AFAP1L2: variants seen among roughly 807,000 people sequenced by gnomAD.
The protein encoded by AFAP1L2 is actin filament-associated protein 1-like 2.
AFAP1L2 carries 46 observed loss-of-function variants against 99.3 expected under a neutral mutation model. That is an observed-to-expected ratio of 0.46 (90% CI 0.37 to 0.59). The LOEUF (loss-of-function observed/expected upper bound fraction) is 0.59, where lower values mean the gene tolerates loss of function less well. Among genes scored for constraint, AFAP1L2 ranks in the 20% least tolerant of loss-of-function variants. The pLI is 0.00. For missense variants in AFAP1L2, 959 were observed against 1,034.9 expected, an observed-to-expected ratio of 0.93 and a Z score of 1.01; for synonymous variants, 397 against 419.1, an observed-to-expected ratio of 0.95 and a Z score of 0.64.
intron 1 of AFAP1L2, among the ~76,000 whole-genome samples, chr10:114,384,854 GC>G (rs1267798580): frequency 6.6e-6 from 1 of 152,208 alleles, no homozygotes; most frequent in African/African-American, 2.4e-5. Context: ...AAGGCTCCAG[GC>G]CTGGTTGAGA....
intron 11 of AFAP1L2, among the ~76,000 whole-genome samples, chr10:114,303,513 G>T (rs1165664937): frequency 6.6e-6 from 1 of 152,100 alleles, no homozygotes; most frequent in East Asian, 1.9e-4. Flanking sequence ...CACCATGTTG[G>T]CCAGGCTGGT....
intron 1 of AFAP1L2, among the ~76,000 whole-genome samples, chr10:114,359,128 T>C (rs570247133): frequency 2.0e-5 from 3 of 152,140 alleles, no homozygotes; most frequent in Non-Finnish European, 2.9e-5. Context: ...CAAGAGGTAA[T>C]GTAAGAACTG....
chr10:114,389,631 A>T (rs1352447666), intron 1 of AFAP1L2, among the ~76,000 whole-genome samples: 1 of 152,206 alleles, frequency 6.6e-6, no homozygotes, highest in Non-Finnish European at 1.5e-5. Context: ...GACTGAAAAA[A>T]TACACAGCTA....
rs548622435 is a variant in AFAP1L2 at position 114,310,470 on chromosome 10, G to A, written c.793-27C>T. 12 of 1,605,194 alleles carry A rather than the reference G, an allele frequency of 7.5e-6. No homozygotes were observed. The South Asian group carries it at 1.1e-4, about 15-fold the overall frequency. ...TGAGGCAAGAGGGAAGCCGTCAGCA[G>A]AGGCTGAGGTCCTCTGGCCAGCACT... On this transcript the variant is annotated intron_variant, in intron 7 of 18. Coordinates refer to ENST00000304129, the MANE Select transcript of AFAP1L2 (RefSeq NM_001001936.3).
At chr10:114,349,135 T>C (rs1304729181) in intron 1 of AFAP1L2, among the ~76,000 whole-genome samples, 1 of 151,994 alleles carries the variant, frequency 6.6e-6, no homozygotes, top group African/African-American at 2.4e-5. Context: ...CCCAGCACTT[T>C]GGGAGGCCGA....
At chr10:114,326,737 C>T (rs551861053) in intron 4 of AFAP1L2, among the ~76,000 whole-genome samples, 63 of 152,284 alleles carry the variant, frequency 4.1e-4, no homozygotes, top group African/African-American at 1.4e-3. Context: ...GACCAATTCA[C>T]TTGACCTCTC....
At chr10:114,338,294 C>T (rs562930564) in intron 2 of AFAP1L2, among the ~76,000 whole-genome samples, 58 of 152,292 alleles carry the variant, frequency 3.8e-4, no homozygotes, top group African/African-American at 1.3e-3. Context: ...TGGCCTGTTC[C>T]CGCTGGGAGG....
At chr10:114,317,142 CGATTTTACTAAGAAGCACGTTT>C (rs1427730367) in intron 5 of AFAP1L2, among the ~76,000 whole-genome samples, 6 of 151,416 alleles carry the variant, frequency 4.0e-5, no homozygotes, top group African/African-American at 1.2e-4. Context: ...AAAATGTTGT[CGATTTTACTAAGAAGCACGTTT>C]GATTTTACTA....
At chr10:114,346,846 T>C (rs903972344) in intron 1 of AFAP1L2, among the ~76,000 whole-genome samples, 3 of 152,184 alleles carry the variant, frequency 2.0e-5, no homozygotes, top group Non-Finnish European at 4.4e-5. Flanking sequence ...GCTCGATTCA[T>C]TGCCCTCCTC....
chr10:114,292,199 C>G (rs924052626), downstream of AFAP1L2, among the ~76,000 whole-genome samples: 7 of 151,928 alleles, frequency 4.6e-5, no homozygotes, highest in African/African-American at 1.5e-4. Context: ...ATGGCTTGAA[C>G]CTGGGAGGCG....
At chr10:114,364,339 G>C (rs945092) in intron 1 of AFAP1L2, among the ~76,000 whole-genome samples, 108,968 of 152,104 alleles carry the variant, frequency 0.72, 41,395 homozygotes, top group Middle Eastern at 0.86. Flanking sequence ...TTCTCTCGCG[G>C]TTCTGGAGGC....
chr10:114,353,399 A>G (rs2050837183), intron 1 of AFAP1L2, among the ~76,000 whole-genome samples: 1 of 152,236 alleles, frequency 6.6e-6, no homozygotes. Flanking sequence ...AGCCTGAATT[A>G]GGTTTCTTTT....
chr10:114,401,601 C>G (rs1450223022), intron 1 of AFAP1L2, among the ~76,000 whole-genome samples: 1 of 152,154 alleles, frequency 6.6e-6, no homozygotes, highest in African/African-American at 2.4e-5. Context: ...AAAGTGCCAT[C>G]TCTCTAGGAA....
At chr10:114,330,734 C>T (rs917502149) in intron 4 of AFAP1L2, among the ~76,000 whole-genome samples, 2 of 152,226 alleles carry the variant, frequency 1.3e-5, no homozygotes, top group African/African-American at 4.8e-5. Flanking sequence ...ACTCCATCCA[C>T]ATTAATGGAT....
chr10:114,376,099 AGTT>A (rs1265555423), intron 1 of AFAP1L2, among the ~76,000 whole-genome samples: 2 of 152,218 alleles, frequency 1.3e-5, no homozygotes, highest in Non-Finnish European at 2.9e-5. Context: ...TTACATGGCC[AGTT>A]GTACAGTTTC....
At chr10:114,370,409 G>A (rs1276209519) in intron 1 of AFAP1L2, among the ~76,000 whole-genome samples, 1 of 152,190 alleles carries the variant, frequency 6.6e-6, no homozygotes, top group African/African-American at 2.4e-5. Flanking sequence ...TACTGTTCCA[G>A]CACTTCCACC....
intron 7 of AFAP1L2, among the ~76,000 whole-genome samples, chr10:114,311,669 G>A (rs1052855294): frequency 3.5e-4 from 53 of 152,238 alleles, no homozygotes; most frequent in Admixed American, 1.4e-3. Context: ...CCAAATACAC[G>A]GATGGCCCTG....
chr10:114,296,995 C>T lies in AFAP1L2; in HGVS notation c.2413G>A (p.Val805Ile). ...LSVVVTGKGT[V>I]LQKAKEWEKK... Reference sequence around the variant, plus strand: ...CTGCTTACCTTGGCTTTCTGGAGTACAGTGCCTTTGCCTGTGACCACGACC... The same window carrying T: ...CTGCTTACCTTGGCTTTCTGGAGTATAGTGCCTTTGCCTGTGACCACGACC... Residue 805 changes from valine to isoleucine, a missense_variant, in exon 18 of 19, where the codon GTA (valine) becomes ATA (isoleucine). Coordinates refer to ENST00000304129, the MANE Select transcript of AFAP1L2 (RefSeq NM_001001936.3). 4 of 1,614,194 alleles carry T rather than the reference C, an allele frequency of 2.5e-6. No homozygotes were observed. Among genetic ancestry groups the T allele is most frequent in the Non-Finnish European group, 3.4e-6 (4 of 1,180,034 alleles).
chr10:114,296,137 C>A, intron 18 of AFAP1L2, 69 bp from the exon 19 acceptor site: 1 of 1,597,582 alleles, frequency 6.3e-7, no homozygotes, highest in Non-Finnish European at 8.6e-7. Flanking sequence ...ACTGTAGCAA[C>A]CTTGATATAC....
Sources: allele counts gnomAD v4.1 joint callset (sites outside exome capture counted in the v4.1 genomes callset), GRCh38; gene constraint gnomAD v4.1.1; transcripts MANE v1.5; gene names NCBI Gene and HGNC (gene_info 2026-07-23, HGNC 2026-07-21).